The following CALN1 variants were observed in gnomAD, a reference collection of about 807,000 sequenced individuals.
CALN1 encodes calneuron 1.
CALN1 carries 17 observed loss-of-function variants against 30.6 expected under a neutral mutation model. That is an observed-to-expected ratio of 0.56 (90% confidence interval 0.38 to 0.83). The LOEUF (loss-of-function observed/expected upper bound fraction) is 0.83, where lower values mean the gene tolerates loss of function less well. Among genes scored for constraint, CALN1 ranks in the 40% least tolerant of loss-of-function variants. The pLI is 0.00. For missense variants in CALN1, 291 were observed against 354.9 expected, an observed-to-expected ratio of 0.82 and a Z score of 1.45; for synonymous variants, 156 against 131.4, an observed-to-expected ratio of 1.19 and a Z score of -1.28.
At chr7:72,271,325 G>T (rs1796957135) in intron 3 of CALN1, among the ~76,000 whole-genome samples, 1 of 151,882 alleles carries the variant, frequency 6.6e-6, no homozygotes, top group African/African-American at 2.4e-5. Flanking sequence ...CAAAGAGTGT[G>T]CCTCATACTT....
the CALN1 span, among the ~76,000 whole-genome samples, chr7:72,463,804 TC>T: frequency 6.6e-6 from 1 of 151,598 alleles, no homozygotes; most frequent in African/African-American, 2.4e-5. Flanking sequence ...CAAGCAATCC[TC>T]CCACCTCAGC....
intron 3 of CALN1, among the ~76,000 whole-genome samples, chr7:72,259,093 A>G (rs1461254940): frequency 1.3e-5 from 2 of 150,430 alleles, no homozygotes; most frequent in African/African-American, 2.4e-5. Flanking sequence ...TTTAAAATAT[A>G]TTATTTATAT....
At chr7:71,828,773 G>T (rs1037329428) in intron 5 of CALN1, among the ~76,000 whole-genome samples, 3 of 150,558 alleles carry the variant, frequency 2.0e-5, no homozygotes, top group Admixed American at 6.6e-5. Context: ...TTTTGAGACG[G>T]AATCTCGCTC....
chr7:72,322,857 C>T (rs1800983219), intron 2 of CALN1, among the ~76,000 whole-genome samples: 1 of 151,534 alleles, frequency 6.6e-6, no homozygotes, highest in Admixed American at 6.6e-5. Context: ...TGGATATACC[C>T]CACTTACCCT....
chr7:71,823,048 A>G (rs1788683558), intron 5 of CALN1, among the ~76,000 whole-genome samples: 3 of 152,212 alleles, frequency 2.0e-5, no homozygotes, highest in South Asian at 4.1e-4. Context: ...CTGCATTCTT[A>G]GAATTCTGAT....
At chr7:71,969,246 A>G (rs1797675268) in intron 5 of CALN1, among the ~76,000 whole-genome samples, 1 of 152,034 alleles carries the variant, frequency 6.6e-6, no homozygotes, top group South Asian at 2.1e-4. Context: ...GTAACTAATT[A>G]GTGTTACCCT....
chr7:72,000,758 T>C (rs1799485861), intron 5 of CALN1, among the ~76,000 whole-genome samples: 1 of 152,080 alleles, frequency 6.6e-6, no homozygotes, highest in Admixed American at 6.6e-5. Flanking sequence ...GCAGACCCTA[T>C]CTCTCATGAA....
chr7:72,210,694 C>T (rs757086769), intron 3 of CALN1, among the ~76,000 whole-genome samples: 1 of 151,966 alleles, frequency 6.6e-6, no homozygotes, highest in South Asian at 2.1e-4. Context: ...TGGAGGAAAC[C>T]ACCCCCATGT....
At chr7:71,927,312 T>C (rs1308177083) in intron 5 of CALN1, among the ~76,000 whole-genome samples, 1 of 152,124 alleles carries the variant, frequency 6.6e-6, no homozygotes, top group African/African-American at 2.4e-5. Context: ...TGGACTCAAG[T>C]GATTCTCCTG....
intron 5 of CALN1, among the ~76,000 whole-genome samples, chr7:71,865,050 A>G (rs1484545043): frequency 1.3e-5 from 2 of 152,094 alleles, no homozygotes; most frequent in Non-Finnish European, 2.9e-5. Flanking sequence ...CAAGCAAGCA[A>G]GACAGAAAGC....
chr7:72,054,014 T>C (rs1803014018), intron 4 of CALN1, among the ~76,000 whole-genome samples: 1 of 152,186 alleles, frequency 6.6e-6, no homozygotes, highest in Non-Finnish European at 1.5e-5. Flanking sequence ...TATATAGATA[T>C]ATACCACAAT....
At chr7:72,387,111 T>A (rs1805252878) in intron 2 of CALN1, among the ~76,000 whole-genome samples, 1 of 149,678 alleles carries the variant, frequency 6.7e-6, no homozygotes, top group Admixed American at 6.7e-5. Flanking sequence ...AAGAAAAAAA[T>A]TTGTACTGGA....
the CALN1 span, among the ~76,000 whole-genome samples, chr7:72,486,409 TCGCCCAGGCTGGAGTA>T: frequency 6.6e-6 from 1 of 152,100 alleles, no homozygotes; most frequent in African/African-American, 2.4e-5. Flanking sequence ...CCTTGTTCTG[TCGCCCAGGCTGGAGTA>T]CAGTGGCATA....
chr7:71,954,969 G>A (rs933788896), intron 5 of CALN1, among the ~76,000 whole-genome samples: 1 of 152,078 alleles, frequency 6.6e-6, no homozygotes, highest in African/African-American at 2.4e-5. Flanking sequence ...TGTTTTTTAG[G>A]ATGAGAGTTG....
Position 71,787,461 on chromosome 7 carries a change from C to T in CALN1, c.*314G>A, listed in dbSNP as rs921217848. ...TATACCTGGATGGCTGCTGGAATTC[C>T]GAGATGAAGATGAAGTTTTTCTCTA... On this transcript the variant is annotated 3_prime_UTR_variant, in exon 7 of 7. Transcript: ENST00000395275. 4.5e-5 allele frequency: 12 copies of T among 269,456 alleles called. No homozygotes were observed. Among genetic ancestry groups the T allele is most frequent in the East Asian group, 7.5e-5 (1 of 13,288 alleles). The allele number at this position is 269,456 out of a possible 1,614,324, so 16.7% of individuals were successfully genotyped here.
intron 5 of CALN1, among the ~76,000 whole-genome samples, chr7:71,897,992 AG>A (rs58575908): frequency 3.4e-4 from 33 of 96,956 alleles, no homozygotes; most frequent in African/African-American, 1.2e-3. Context: ...AAAAAAAAAA[AG>A]AGAGAGAGAG....
intron 2 of CALN1, among the ~76,000 whole-genome samples, chr7:72,360,605 TA>T (rs1271669042): frequency 2.7e-5 from 4 of 148,194 alleles, no homozygotes; most frequent in South Asian, 2.1e-4. Context: ...TTTTCTTTTC[TA>T]TTTTTTTTTT....
At chr7:72,247,134 C>T (rs1795223414) in intron 3 of CALN1, among the ~76,000 whole-genome samples, 1 of 151,850 alleles carries the variant, frequency 6.6e-6, no homozygotes, top group South Asian at 2.1e-4. Flanking sequence ...TCACCCTATC[C>T]CCACCCAGAT....
chr7:72,398,992 G>C (rs943479969), intron 2 of CALN1, among the ~76,000 whole-genome samples: 1 of 152,132 alleles, frequency 6.6e-6, no homozygotes, highest in South Asian at 2.1e-4. Context: ...CACCTTGACA[G>C]GCTAGAAAAA....
Sources: gnomAD v4.1 joint callset for allele counts (sites outside exome capture counted in the v4.1 genomes callset) on GRCh38, gnomAD v4.1.1 for gene constraint, MANE v1.5 for transcripts, NCBI Gene and HGNC (gene_info 2026-07-23, HGNC 2026-07-21) for gene names.